The following CFDP1 variants were observed in gnomAD, a reference collection of about 807,000 sequenced individuals.
CFDP1 encodes the protein chromatin remodeling protein CFDP1, also known as heterochromatin-stabilizing protein CFDP1.
CFDP1 carries 31 observed loss-of-function variants against 40.1 expected under a neutral mutation model. The observed-to-expected ratio is 0.77, with a 90% CI of 0.58 to 1.04. The LOEUF (loss-of-function observed/expected upper bound fraction) is 1.04, where lower values mean the gene tolerates loss of function less well. Among genes scored for constraint, CFDP1 ranks in the 50% least tolerant of loss-of-function variants. CFDP1 has a pLI of 0.00. For synonymous variants in CFDP1, 167 were observed against 120.0 expected (o/e 1.39, Z -2.56); for missense variants, 423 against 343.4 (o/e 1.23, Z -1.83).
At chr16:75,425,489 T>G (rs1239391965) in intron 1 of CFDP1, among the ~76,000 whole-genome samples, 2 of 151,722 alleles carry the variant, frequency 1.3e-5, no homozygotes, top group Non-Finnish European at 2.9e-5. Flanking sequence ...TCTCTCTACC[T>G]GATTTCAACA....
chr16:75,337,254 C>A (rs577090521), intron 5 of CFDP1, among the ~76,000 whole-genome samples: 2 of 152,134 alleles, frequency 1.3e-5, no homozygotes, highest in East Asian at 3.9e-4. Flanking sequence ...GGAGAGGGAG[C>A]GAGGCCCGGC....
At chr16:75,333,729 G>T (rs900105324) in intron 5 of CFDP1, among the ~76,000 whole-genome samples, 3 of 152,174 alleles carry the variant, frequency 2.0e-5, no homozygotes, top group African/African-American at 7.2e-5. Context: ...ATTAGGAAGG[G>T]AAGTCCTGAA....
At chr16:75,371,501 T>C (rs2078751059) in intron 5 of CFDP1, among the ~76,000 whole-genome samples, 1 of 152,214 alleles carries the variant, frequency 6.6e-6, no homozygotes, top group Non-Finnish European at 1.5e-5. Context: ...ATTCAAATGT[T>C]TTTTAAAAAC....
chr16:75,428,466 A>T (rs1449904796), intron 1 of CFDP1, among the ~76,000 whole-genome samples: 1 of 151,960 alleles, frequency 6.6e-6, no homozygotes, highest in Non-Finnish European at 1.5e-5. Flanking sequence ...TACAAAAACA[A>T]AATTAGCCAG....
intron 3 of CFDP1, 28 bp downstream of exon 3, chr16:75,412,507 C>A: frequency 6.5e-7 from 1 of 1,530,546 alleles, no homozygotes; most frequent in Admixed American, 1.7e-5. Context: ...TCTGGAGAGG[C>A]ATTCACCTCA....
chr16:75,342,484 T>A (rs1284466019), intron 5 of CFDP1, among the ~76,000 whole-genome samples: 1 of 152,222 alleles, frequency 6.6e-6, no homozygotes, highest in Non-Finnish European at 1.5e-5. Flanking sequence ...TGTAAAAGTT[T>A]GTTTACTTGG....
At chr16:75,418,751 A>AC in intron 1 of CFDP1, among the ~76,000 whole-genome samples, 1 of 138,388 alleles carries the variant, frequency 7.2e-6, no homozygotes, top group East Asian at 2.1e-4. Context: ...AAAAAAAAAA[A>AC]CTCATTTCAG....
rs558199299 is a variant in CFDP1 at position 75,377,103 on chromosome 16, CCTCCAGGGCTAAGCCCCAACTGGGGG to C, written c.650+17961_650+17986del. On this transcript the variant is annotated intron_variant, in intron 5 of 6. Transcript: ENST00000283882. Reference sequence around the variant, plus strand: ...ATTACTTCCTGAGCAAAGCCAAGACCCTCCAGGGCTAAGCCCCAACTGGGGGCTTGGCTGTGCCCTGTATCAGTTAT... The same window carrying C: ...ATTACTTCCTGAGCAAAGCCAAGACCCTTGGCTGTGCCCTGTATCAGTTAT... Among the ~76,000 whole-genome samples, 389 of 152,326 alleles carry C rather than the reference CCTCCAGGGCTAAGCCCCAACTGGGGG, an allele frequency of 2.6e-3. 1 individual carries two copies. Among genetic ancestry groups the C allele is most frequent in the African/African-American group, 7.8e-3 (323 of 41,582 alleles).
chr16:75,307,462 C>T (rs139080213), intron 5 of CFDP1, among the ~76,000 whole-genome samples: 3,353 of 152,138 alleles, frequency 0.022, 70 homozygotes, highest in African/African-American at 0.054. Context: ...GGTGATCTGC[C>T]CACCTCGGCC....
chr16:75,305,946 C>T (rs1176815634), intron 5 of CFDP1, among the ~76,000 whole-genome samples: 1 of 152,154 alleles, frequency 6.6e-6, no homozygotes, highest in East Asian at 1.9e-4. Flanking sequence ...GGAGAAACCC[C>T]AGATGCCCAA....
At position 75,299,887 on chromosome 16, in the gene CFDP1, C is replaced by T. The variant is rs576788965; in HGVS notation, c.809+5137G>A. ...GGTGGGGGTACTCTAGAGTGCCATC[C>T]GCATAGAGCCCTGGATGACAAATCA... On this transcript the variant is annotated intron_variant, in intron 6 of 6. Coordinates refer to ENST00000283882, the MANE Select transcript of CFDP1 (RefSeq NM_006324.3). Among the ~76,000 whole-genome samples the T allele has an allele frequency of 9.9e-5, 15 of 152,114 alleles. No individual in the cohort carries two copies. The South Asian group carries it at 2.1e-3, about 21-fold the overall frequency.
intron 6 of CFDP1, among the ~76,000 whole-genome samples, chr16:75,294,542 A>C (rs755380225): frequency 1.3e-5 from 2 of 152,222 alleles, no homozygotes; most frequent in Non-Finnish European, 2.9e-5. Context: ...TGAAGGAAAG[A>C]AGACAGTAAA....
At chr16:75,322,345 A>G (rs192873511) in intron 5 of CFDP1, among the ~76,000 whole-genome samples, 1 of 152,146 alleles carries the variant, frequency 6.6e-6, no homozygotes, top group Non-Finnish European at 1.5e-5. Context: ...CACTTAATAA[A>G]TTTTTATTTA....
rs530049499 is a variant in CFDP1 at position 75,317,641 on chromosome 16, G to C, written c.651-12459C>G. Among the ~76,000 whole-genome samples the C allele has an allele frequency of 1.5e-4, 23 of 152,232 alleles. No individual in the cohort carries two copies. In the South Asian group the frequency reaches 4.4e-3, roughly 29 times the overall value. On this transcript the variant is annotated intron_variant, in intron 5 of 6. Coordinates refer to ENST00000283882, the MANE Select transcript of CFDP1 (RefSeq NM_006324.3). ...ACATTTCTGAGACACAATTTTAAAGGAATTATTAAATACAGCTTCTAACAA... is the reference window on the plus strand; with the variant it reads ...ACATTTCTGAGACACAATTTTAAAGCAATTATTAAATACAGCTTCTAACAA...
At chr16:75,386,717 T>G (rs369782373) in intron 5 of CFDP1, among the ~76,000 whole-genome samples, 1 of 152,064 alleles carries the variant, frequency 6.6e-6, no homozygotes, top group South Asian at 2.1e-4. Flanking sequence ...AGAGTGAGAC[T>G]CCGTCTCAAA....
intron 4 of CFDP1, chr16:75,409,438 G>C (rs1253762804): frequency 2.0e-5 from 3 of 152,214 alleles, no homozygotes. Flanking sequence ...CCGCCACAAA[G>C]AGAGGCAGTA....
chr16:75,337,261 C>A (rs1281080018), intron 5 of CFDP1, among the ~76,000 whole-genome samples: 1 of 152,148 alleles, frequency 6.6e-6, no homozygotes, highest in Non-Finnish European at 1.5e-5. Flanking sequence ...GAGCGAGGCC[C>A]GGCACAAAGG....
chr16:75,390,158 T>C (rs1215305114), intron 5 of CFDP1, among the ~76,000 whole-genome samples: 2 of 152,202 alleles, frequency 1.3e-5, no homozygotes, highest in African/African-American at 4.8e-5. Context: ...ATATTTCACT[T>C]GTATAGCTCC....
At chr16:75,324,994 G>C (rs1037802443) in intron 5 of CFDP1, 1 of 152,168 alleles carries the variant, frequency 6.6e-6, no homozygotes, top group Non-Finnish European at 1.5e-5. Flanking sequence ...TTGTTAATTT[G>C]AGCTTCTTTG....
Sources: gnomAD v4.1 joint callset for allele counts (sites outside exome capture counted in the v4.1 genomes callset) on GRCh38, gnomAD v4.1.1 for gene constraint, MANE v1.5 for transcripts, NCBI Gene and HGNC (gene_info 2026-07-23, HGNC 2026-07-21) for gene names.